CD300LG: variants seen among roughly 807,000 people sequenced by gnomAD.
CD300LG encodes CMRF35-like molecule 9.
A neutral mutation model predicts 31.5 loss-of-function variants in CD300LG; 29 were observed. The ratio of observed to expected loss-of-function variants is 0.92; its 90% CI spans 0.68 to 1.25. The LOEUF (loss-of-function observed/expected upper bound fraction) is 1.25, where lower values mean the gene tolerates loss of function less well. CD300LG is among the 50% of genes most tolerant of loss of function. CD300LG has a pLI of 0.00. For missense variants in CD300LG, 396 were observed against 417.6 expected (o/e 0.95, Z 0.45); for synonymous variants, 175 against 177.2 (o/e 0.99, Z 0.10).
intron 3 of CD300LG, 47 bp from the exon 4 acceptor site, chr17:43,853,760 A>T (rs749888524): frequency 6.7e-7 from 1 of 1,488,532 alleles, no homozygotes; most frequent in Non-Finnish European, 9.3e-7. Context: ...GGATGCTGGG[A>T]TGCAAGGGTC....
rs1298540347 is a variant in CD300LG, at chr17:43,854,316, C to T, written c.719+272C>T. ...CCTGCCCCAGCCTCAGGGACGGCCA[C>T]CCCAGTTCTGGGGCTTTTGCCTGTA... On this transcript the variant is annotated intron_variant, in intron 4 of 6. Coordinates refer to ENST00000317310, the MANE Select transcript of CD300LG (RefSeq NM_145273.4). 2.0e-5 allele frequency among the ~76,000 whole-genome samples: 3 copies of T among 152,234 alleles called. No homozygotes were observed. The East Asian group carries it at 5.8e-4, about 29-fold the overall frequency.
chr17:43,854,219 C>A (rs1445241686), intron 4 of CD300LG, among the ~76,000 whole-genome samples, 175 bp downstream of exon 4: 1 of 152,224 alleles, frequency 6.6e-6, no homozygotes, highest in African/African-American at 2.4e-5. Context: ...ACAGCTTGTA[C>A]TATAGGAGCC....
rs372789972 is a variant in CD300LG, at chr17:43,857,477, C to T, written c.885+321C>T. On this transcript the variant is annotated intron_variant, in intron 6 of 6. Transcript: ENST00000317310. Reference sequence around the variant, plus strand: ...CCCCCCTTTTAGAATCACAGAACATCAGAGCTGGATCCAGATGAAGCCTTT... The same window carrying T: ...CCCCCCTTTTAGAATCACAGAACATTAGAGCTGGATCCAGATGAAGCCTTT... The T allele has an allele frequency of 2.1e-4, 315 of 1,535,520 alleles. No individual in the cohort carries two copies. In the African/African-American group the frequency reaches 3.6e-3, roughly 17 times the overall value.
Position 43,861,800 on chromosome 17 carries a change from T to C in CD300LG, c.888T>C (p.Thr296=). Residue 296 remains threonine, a splice_region_variant and synonymous_variant, in exon 7 of 7, where the codon ACT becomes ACC. Transcript: ENST00000317310. ...AAACCCCACTGTTGTCTTTACAGAC[T>C]GCGGAGGAAAAGGAAGCCCCTTCCC... ...RNEKFCLSRL[T]AEEKEAPSQA... 6.2e-7 allele frequency: 1 copy of C among 1,601,256 alleles called. No homozygotes were observed. The highest frequency in any genetic ancestry group is 8.5e-7 in the Non-Finnish European group (1 of 1,173,946).
At chr17:43,847,466 C>G (rs541544344) in intron 1 of CD300LG, among the ~76,000 whole-genome samples, 2 of 152,158 alleles carry the variant, frequency 1.3e-5, no homozygotes, top group Non-Finnish European at 2.9e-5. Context: ...CAGGTTTTCT[C>G]CAGACCTGTG....
At chr17:43,857,298 A>ATG (rs2046551766) in intron 6 of CD300LG, 142 bp downstream of exon 6, 2 of 1,430,430 alleles carry the variant, frequency 1.4e-6, no homozygotes, top group South Asian at 2.5e-5. Flanking sequence ...CCTTGGAGGA[A>ATG]TGTGTGTGAG....
chr17:43,858,781 G>A (rs1054745065), intron 6 of CD300LG: 2 of 882,916 alleles, frequency 2.3e-6, no homozygotes, highest in Admixed American at 6.2e-5. Flanking sequence ...GAGGGAGGGG[G>A]ATGCATTACT....
At chr17:43,858,072 C>T (rs1597714494) in intron 6 of CD300LG, 1 of 1,416,150 alleles carries the variant, frequency 7.1e-7, no homozygotes, top group Non-Finnish European at 9.2e-7. Flanking sequence ...TGAGATGCCT[C>T]CACTCCATTC....
chr17:43,853,402 G>A (rs1307071721), intron 3 of CD300LG, among the ~76,000 whole-genome samples: 1 of 152,188 alleles, frequency 6.6e-6, no homozygotes, highest in African/African-American at 2.4e-5. Context: ...GTTGGGGAGG[G>A]GGCACATGGT....
At chr17:43,851,467 A>T (rs903421898) in intron 2 of CD300LG, among the ~76,000 whole-genome samples, 1 of 152,030 alleles carries the variant, frequency 6.6e-6, no homozygotes, top group Admixed American at 6.6e-5. Flanking sequence ...GATAGGGGAT[A>T]CTCAATCTGT....
intron 6 of CD300LG, 161 bp downstream of exon 6, chr17:43,857,317 T>TCAGC: frequency 6.8e-7 from 1 of 1,460,910 alleles, no homozygotes; most frequent in Non-Finnish European, 9.2e-7. Flanking sequence ...AGCCCCAAGA[T>TCAGC]CAGCCCTTCA....
In CD300LG at chr17:43,853,913, T is replaced by C; in HGVS notation, c.588T>C (p.Ser196=). The C allele has an allele frequency of 6.2e-7, 1 of 1,614,066 alleles. No homozygotes were observed. Among genetic ancestry groups the C allele is most frequent in the Non-Finnish European group, 8.5e-7 (1 of 1,180,000 alleles). Residue 196 remains serine, a synonymous_variant, in exon 4 of 7, where the codon TCT becomes TCC. Transcript: ENST00000317310. The part of the protein sequence containing the change: ...GTSQYGHERT[S]QYTGTSPHPA... ...CCCAGTACGGGCACGAAAGGACTTC[T>C]CAGTACACAGGAACCTCTCCTCACC...
intron 6 of CD300LG, chr17:43,857,597 C>T: frequency 8.5e-7 from 1 of 1,175,860 alleles, no homozygotes; most frequent in Non-Finnish European, 1.2e-6. Flanking sequence ...CTCTCCAGGG[C>T]CCCAGACCCA....
In CD300LG at chr17:43,853,033, G is replaced by T; in HGVS notation, c.481+20G>T. On this transcript the variant is annotated intron_variant, in intron 3 of 6. Coordinates refer to ENST00000317310, the MANE Select transcript of CD300LG (RefSeq NM_145273.4). ...GATTGAGTGAGTGAATGGCAATTCCGCCCCTTCCCTTGCCACCCTTCTTAC... is the reference window on the plus strand; with the variant it reads ...GATTGAGTGAGTGAATGGCAATTCCTCCCCTTCCCTTGCCACCCTTCTTAC... 6.3e-7 allele frequency: 1 copy of T among 1,592,912 alleles called. No homozygotes were observed. Among genetic ancestry groups the T allele is most frequent in the Non-Finnish European group, 8.6e-7 (1 of 1,165,078 alleles).
intron 4 of CD300LG, among the ~76,000 whole-genome samples, chr17:43,854,509 A>C (rs564383617): frequency 2.0e-4 from 31 of 152,324 alleles, no homozygotes; most frequent in Admixed American, 1.8e-3. Context: ...CCCTGCTGAA[A>C]GTGAATCCTG....
chr17:43,851,782 C>T (rs763808441), intron 2 of CD300LG, among the ~76,000 whole-genome samples: 8 of 151,336 alleles, frequency 5.3e-5, no homozygotes, highest in Non-Finnish European at 8.8e-5. Flanking sequence ...GTCTCGATCT[C>T]CTGACCTTGT....
rs1234821681 is a variant in CD300LG at position 43,857,339 on chromosome 17, G to A, written c.885+183G>A. On this transcript the variant is annotated intron_variant, in intron 6 of 6. Transcript: ENST00000317310. ...AGATCAGCCCTTCAGGGTGTGAGCC[G>A]GACACAGTGCCCATGGGGGACTCAC... 2.1e-4 allele frequency: 320 copies of A among 1,497,324 alleles called. 2 individuals are homozygous for A. Among genetic ancestry groups the A allele is most frequent in the South Asian group, 1.4e-4 (11 of 80,216 alleles). 92.8% of individuals were successfully genotyped at this position (1,497,324 alleles called of 1,614,324 possible). A position where few individuals can be genotyped will look rare whatever the true frequency, so the allele number is the denominator to read the frequency against.
intron 1 of CD300LG, among the ~76,000 whole-genome samples, chr17:43,848,243 AAAAC>A (rs71361549): frequency 3.2e-4 from 48 of 152,006 alleles, no homozygotes; most frequent in Non-Finnish European, 4.4e-4. Flanking sequence ...CTCCATCTCA[AAAAC>A]AAACAAACAA....
In CD300LG at chr17:43,863,470, C is replaced by T. The variant is rs1439955720; in HGVS notation, c.*1559C>T. ...TTGTTGTACTTCCTTCCACTCTTTT[C>T]TTCTTCACATAATTTGCCGGTGTTC... is the stretch of plus-strand genomic sequence containing the variant. On this transcript the variant is annotated 3_prime_UTR_variant, in exon 7 of 7. Coordinates refer to ENST00000317310, the MANE Select transcript of CD300LG (RefSeq NM_145273.4). 1.3e-5 allele frequency: 2 copies of T among 152,202 alleles called. No homozygotes were observed. The highest frequency in any genetic ancestry group is 3.8e-4 in the East Asian group (2 of 5,206). 9.4% of individuals were successfully genotyped at this position (152,202 alleles called of 1,614,324 possible). A position where few individuals can be genotyped will look rare whatever the true frequency, so the allele number is the denominator to read the frequency against.
Sources: gnomAD v4.1 joint callset for allele counts (sites outside exome capture counted in the v4.1 genomes callset) on GRCh38, gnomAD v4.1.1 for gene constraint, MANE v1.5 for transcripts, NCBI Gene and HGNC (gene_info 2026-07-23, HGNC 2026-07-21) for gene names.